LARGE1: variants seen among roughly 807,000 people sequenced by gnomAD.
LARGE1 encodes the protein LARGE xylosyl- and glucuronyltransferase 1.
A neutral mutation model predicts 87.6 loss-of-function variants in LARGE1; 43 were observed. The ratio of observed to expected loss-of-function variants is 0.49; its 90% CI spans 0.38 to 0.63. The LOEUF is 0.63. Ranked by LOEUF, LARGE1 falls within the 30% of genes least tolerant of loss-of-function variation. The pLI, the probability that LARGE1 is intolerant of heterozygous loss-of-function variation, is 0.00. For missense variants in LARGE1, 802 were observed against 1,000.2 expected, an observed-to-expected ratio of 0.80 and a Z score of 2.67; for synonymous variants, 434 against 394.6, an observed-to-expected ratio of 1.10 and a Z score of -1.18.
intron 1 of LARGE1, among the ~76,000 whole-genome samples, chr22:33,865,552 C>T (rs2064067727): frequency 6.6e-6 from 1 of 152,096 alleles, no homozygotes; most frequent in Admixed American, 6.5e-5. Context: ...TTGGGGCTGA[C>T]AAATATTATG....
intron 6 of LARGE1, among the ~76,000 whole-genome samples, chr22:33,454,772 A>G (rs1338541920): frequency 6.6e-6 from 1 of 152,186 alleles, no homozygotes; most frequent in Non-Finnish European, 1.5e-5. Context: ...CACGTCTCAC[A>G]TGGTGGGAGC....
intron 2 of LARGE1, chr22:33,723,818 G>C (rs2083182895): frequency 6.6e-6 from 1 of 152,146 alleles, no homozygotes; most frequent in Non-Finnish European, 1.5e-5. Context: ...GAAGGGCCCG[G>C]CTGGGCCACC....
At chr22:33,279,023 A>G (rs1254934794) in intron 13 of LARGE1, among the ~76,000 whole-genome samples, 1 of 151,956 alleles carries the variant, frequency 6.6e-6, no homozygotes, top group Non-Finnish European at 1.5e-5. Flanking sequence ...CGGCTGGGTC[A>G]CCTCTCTTAT....
At chr22:33,114,045 A>ATTTTTTTTT in the LARGE1 span, among the ~76,000 whole-genome samples, 6 of 135,746 alleles carry the variant, frequency 4.4e-5, 1 homozygote, top group Non-Finnish European at 1.6e-5. Flanking sequence ...TAATTTTTCT[A>ATTTTTTTTT]TTTTTTTTTT....
Position 33,432,728 on chromosome 22 carries a change from G to T in LARGE1, c.788-463C>A, listed in dbSNP as rs76926754. On this transcript the variant is annotated intron_variant, in intron 6 of 14. Transcript: ENST00000397394. ...TTTACTCGTTTTCTGGGAATGGACT[G>T]GGATTGGTTTCTCACGACAGGGAGG... Among the ~76,000 whole-genome samples the T allele has an allele frequency of 4.1e-3, 618 of 152,304 alleles. 3 individuals are homozygous for T. The highest frequency in any genetic ancestry group is 0.037 in the Middle Eastern group (11 of 294).
At chr22:33,269,771 C>T (rs899029716), downstream of LARGE1, among the ~76,000 whole-genome samples, 2 of 151,948 alleles carry the variant, frequency 1.3e-5, no homozygotes, top group Non-Finnish European at 2.9e-5. Flanking sequence ...TTTGGGAGGC[C>T]GAGGTGGGCG....
At chr22:33,089,321 T>TTTCTTC in the LARGE1 span, among the ~76,000 whole-genome samples, 4,441 of 86,798 alleles carry the variant, frequency 0.051, 120 homozygotes, top group South Asian at 0.069. Context: ...TTCTTTCTTC[T>TTTCTTC]TTCTTCTTCT....
At chr22:33,799,678 C>T (rs966561396) in intron 1 of LARGE1, among the ~76,000 whole-genome samples, 1 of 152,098 alleles carries the variant, frequency 6.6e-6, no homozygotes, top group Non-Finnish European at 1.5e-5. Context: ...GCAATCTGCC[C>T]GCCTCGGCCT....
exon 12 of LARGE1, chr22:33,163,363 A>G (rs747192030): frequency 3.3e-5 from 5 of 152,212 alleles, no homozygotes; most frequent in Admixed American, 3.3e-4. Flanking sequence ...GATGTAGGAA[A>G]AAAACCAGTT....
chr22:33,375,419 G>T (rs1422285547), intron 9 of LARGE1, among the ~76,000 whole-genome samples: 2 of 152,132 alleles, frequency 1.3e-5, no homozygotes, highest in Non-Finnish European at 2.9e-5. Flanking sequence ...TAAGCCAGGT[G>T]GGCAGACCCC....
intron 11 of LARGE1, among the ~76,000 whole-genome samples, chr22:33,214,930 C>G (rs1925135612): frequency 1.3e-5 from 2 of 152,260 alleles, no homozygotes; most frequent in Admixed American, 6.5e-5. Flanking sequence ...TGGCCCTGCA[C>G]AGCAAACCCC....
At chr22:33,758,586 A>C (rs1047549013) in intron 2 of LARGE1, among the ~76,000 whole-genome samples, 3 of 152,170 alleles carry the variant, frequency 2.0e-5, no homozygotes, top group Admixed American at 6.5e-5. Context: ...TGTTGCCTCA[A>C]AGTATTTTCA....
At chr22:33,201,743 CT>C (rs1484595410) in intron 11 of LARGE1, among the ~76,000 whole-genome samples, 2 of 152,260 alleles carry the variant, frequency 1.3e-5, no homozygotes, top group Middle Eastern at 3.4e-3. Context: ...CCTGTTGGGT[CT>C]TGTAGGTCAT....
rs564243773 is a variant in LARGE1 at position 33,534,436 on chromosome 22, G to A, written c.787+30412C>T. Among the ~76,000 whole-genome samples, 3 of 151,778 alleles carry A rather than the reference G, an allele frequency of 2.0e-5. No homozygotes were observed. In the East Asian group the frequency reaches 5.8e-4, roughly 29 times the overall value. On this transcript the variant is annotated intron_variant, in intron 6 of 14. Coordinates refer to ENST00000397394, the MANE Select transcript of LARGE1 (RefSeq NM_133642.5). Reference sequence around the variant, plus strand: ...AACAGACAAAAAAAAAAAGAGGGATGAAGTCACTCACTGACTTCTACTGCA... The same window carrying A: ...AACAGACAAAAAAAAAAAGAGGGATAAAGTCACTCACTGACTTCTACTGCA...
chr22:33,233,145 T>A (rs1056333444), intron 11 of LARGE1, among the ~76,000 whole-genome samples: 2 of 152,184 alleles, frequency 1.3e-5, no homozygotes, highest in Non-Finnish European at 2.9e-5. Context: ...CATCTGAGCA[T>A]GCAAGGTAGC....
chr22:33,770,044 C>G (rs1226243483), intron 1 of LARGE1, among the ~76,000 whole-genome samples: 5 of 152,128 alleles, frequency 3.3e-5, no homozygotes, highest in African/African-American at 1.2e-4. Context: ...ATGGAAAACC[C>G]AGAAGCAATC....
At chr22:33,331,687 C>T (rs936432331) in intron 10 of LARGE1, among the ~76,000 whole-genome samples, 1 of 152,128 alleles carries the variant, frequency 6.6e-6, no homozygotes, top group East Asian at 1.9e-4. Context: ...GGATTACCGG[C>T]GTGAGCCACC....
rs187668660 is a variant in LARGE1 at position 33,214,950 on chromosome 22, C to T, written c.1731-48118G>A. On this transcript the variant is annotated intron_variant, in intron 11 of 11. Coordinates refer to the LARGE1 transcript ENST00000608642. Reference sequence around the variant, plus strand: ...CTGCACAGCAAACCCCAAGGTCCCACGAGCACCCTGGGTCCTCCTGGTGCC... The same window carrying T: ...CTGCACAGCAAACCCCAAGGTCCCATGAGCACCCTGGGTCCTCCTGGTGCC... Among the ~76,000 whole-genome samples, 59 of 152,266 alleles carry T rather than the reference C, an allele frequency of 3.9e-4. No homozygotes were observed. In the East Asian group the frequency reaches 7.9e-3, roughly 20 times the overall value.
chr22:33,165,243 T>A (rs1369208221), exon 12 of LARGE1: 2 of 152,232 alleles, frequency 1.3e-5, no homozygotes, highest in East Asian at 3.8e-4. Context: ...GATGTTTATA[T>A]GATTAAGGAA....
Sources: allele counts gnomAD v4.1 joint callset (sites outside exome capture counted in the v4.1 genomes callset), GRCh38; gene constraint gnomAD v4.1.1; transcripts MANE v1.5; gene names NCBI Gene and HGNC (gene_info 2026-07-23, HGNC 2026-07-21).